Variants in OPCML observed in about 807,000 individuals in gnomAD.
The protein encoded by OPCML is opioid binding protein/cell adhesion molecule like, also known as opioid-binding protein/cell adhesion molecule.
OPCML carries 13 observed loss-of-function variants against 37.8 expected under a neutral mutation model. That is an observed-to-expected ratio of 0.34 (90% CI 0.22 to 0.55). OPCML has a LOEUF of 0.55. OPCML is among the 20% of genes least tolerant of loss of function. The pLI is 0.91. For missense variants in OPCML, 341 were observed against 435.6 expected, an observed-to-expected ratio of 0.78 and a Z score of 1.93; for synonymous variants, 176 against 168.8, an observed-to-expected ratio of 1.04 and a Z score of -0.33.
At chr11:133,057,338 G>T (rs943324379) in intron 1 of OPCML, among the ~76,000 whole-genome samples, 3 of 152,162 alleles carry the variant, frequency 2.0e-5, no homozygotes, top group Admixed American at 1.3e-4. Flanking sequence ...ATTGTCCAAG[G>T]CCAAAGGCTG....
chr11:133,197,095 C>A (rs538109193), intron 1 of OPCML, among the ~76,000 whole-genome samples: 17 of 152,302 alleles, frequency 1.1e-4, no homozygotes, highest in Non-Finnish European at 1.8e-4. Context: ...GTTTCTCCCC[C>A]AGTGGAAGAT....
intron 3 of OPCML, among the ~76,000 whole-genome samples, chr11:132,573,840 T>A (rs375656817): frequency 6.6e-6 from 1 of 152,020 alleles, no homozygotes; most frequent in Admixed American, 6.6e-5. Flanking sequence ...AGAATTTACC[T>A]GTGAAGCCAT....
chr11:133,150,346 G>A, intron 1 of OPCML, among the ~76,000 whole-genome samples: 1 of 152,174 alleles, frequency 6.6e-6, no homozygotes, highest in Non-Finnish European at 1.5e-5. Flanking sequence ...TCTTCATTTT[G>A]CAGATGAAGA....
chr11:133,293,010 C>A (rs920652334), intron 1 of OPCML, among the ~76,000 whole-genome samples: 2 of 152,170 alleles, frequency 1.3e-5, no homozygotes, highest in Admixed American at 6.5e-5. Flanking sequence ...GTTGCACTCC[C>A]ATGGCAAGGT....
At chr11:133,122,706 C>G (rs982361719) in intron 1 of OPCML, among the ~76,000 whole-genome samples, 4 of 152,126 alleles carry the variant, frequency 2.6e-5, no homozygotes, top group African/African-American at 9.7e-5. Flanking sequence ...GTTGATTTAC[C>G]TAGCTAGCCA....
intron 1 of OPCML, among the ~76,000 whole-genome samples, chr11:133,026,923 A>G (rs1223381216): frequency 1.3e-5 from 2 of 152,248 alleles, no homozygotes; most frequent in African/African-American, 4.8e-5. Context: ...GAGATACATG[A>G]CTAACCTTGA....
At chr11:133,036,581 C>A (rs1260189056) in intron 1 of OPCML, among the ~76,000 whole-genome samples, 3 of 152,204 alleles carry the variant, frequency 2.0e-5, no homozygotes, top group Non-Finnish European at 4.4e-5. Context: ...GTACTTGGCC[C>A]TGTTGTATTA....
intron 1 of OPCML, among the ~76,000 whole-genome samples, chr11:133,073,855 TA>T: frequency 6.6e-6 from 1 of 152,280 alleles, no homozygotes; most frequent in African/African-American, 2.4e-5. Flanking sequence ...CAAGACCCCT[TA>T]AAAGAAGAGC....
chr11:133,425,464 T>C (rs1011467733), intron 1 of OPCML, among the ~76,000 whole-genome samples: 11 of 152,210 alleles, frequency 7.2e-5, no homozygotes, highest in Non-Finnish European at 1.2e-4. Context: ...GTCTTCATTA[T>C]AGCATTCCAT....
At chr11:132,889,882 C>T (rs748094409) in intron 2 of OPCML, among the ~76,000 whole-genome samples, 13 of 152,172 alleles carry the variant, frequency 8.5e-5, no homozygotes, top group African/African-American at 2.7e-4. Flanking sequence ...TGCAGAAATA[C>T]GTCAAAGTTT....
rs143171410 is a variant in OPCML at position 132,902,006 on chromosome 11, G to A, written c.146+40920C>T. The stretch of plus-strand genomic sequence containing the variant: ...CGGTGTTTGCGTCATGGGGCATTAT[G>A]TAATTCCTTTTTACTCCAGCATAAG... On this transcript the variant is annotated intron_variant, in intron 2 of 7. Transcript: ENST00000524381. 1.6e-3 allele frequency among the ~76,000 whole-genome samples: 243 copies of A among 152,286 alleles called. 1 individual carries two copies. The highest frequency in any genetic ancestry group is 5.6e-3 in the African/African-American group (231 of 41,558).
In OPCML at chr11:132,918,982, T is replaced by C. The variant is rs570889798; in HGVS notation, c.146+23944A>G. Among the ~76,000 whole-genome samples, 3 of 152,268 alleles carry C rather than the reference T, an allele frequency of 2.0e-5. No homozygotes were observed. The South Asian group carries it at 6.2e-4, about 32-fold the overall frequency. ...AAGCCTAGGAGCTAACTGTGGATAA[T>C]GGTAAAACATAATAGACAGAACTAG... is the stretch of plus-strand genomic sequence containing the variant. On this transcript the variant is annotated intron_variant, in intron 2 of 7. Coordinates refer to ENST00000524381, the MANE Select transcript of OPCML (RefSeq NM_001012393.5).
intron 1 of OPCML, among the ~76,000 whole-genome samples, chr11:132,950,313 G>C (rs1301844347): frequency 6.6e-6 from 1 of 152,168 alleles, no homozygotes; most frequent in Non-Finnish European, 1.5e-5. Flanking sequence ...GAATGATGGA[G>C]AGGTGAGGGG....
chr11:132,800,122 G>T (rs898480791), intron 2 of OPCML, among the ~76,000 whole-genome samples: 1 of 152,114 alleles, frequency 6.6e-6, no homozygotes, highest in Non-Finnish European at 1.5e-5. Flanking sequence ...GTAGATATCA[G>T]AGCATAAGTT....
At chr11:132,752,416 T>C (rs1945866115) in intron 2 of OPCML, among the ~76,000 whole-genome samples, 1 of 152,150 alleles carries the variant, frequency 6.6e-6, no homozygotes, top group Non-Finnish European at 1.5e-5. Flanking sequence ...ATAATATTAA[T>C]CAAGACTCAT....
intron 1 of OPCML, among the ~76,000 whole-genome samples, chr11:133,429,815 T>C (rs1946080593): frequency 1.3e-5 from 2 of 152,138 alleles, no homozygotes; most frequent in Non-Finnish European, 2.9e-5. Context: ...CTATGACACA[T>C]CTAGCATGCT....
At chr11:132,483,369 G>C (rs1488111362) in intron 4 of OPCML, among the ~76,000 whole-genome samples, 8 of 151,962 alleles carry the variant, frequency 5.3e-5, no homozygotes. Flanking sequence ...GGGATGTGAA[G>C]GACCTCTTCA....
At chr11:133,051,553 A>G (rs993817081) in intron 1 of OPCML, among the ~76,000 whole-genome samples, 2 of 151,944 alleles carry the variant, frequency 1.3e-5, no homozygotes, top group Non-Finnish European at 2.9e-5. Context: ...GCCCTCTACC[A>G]TTCTCACTTG....
rs138076552 is a variant in OPCML at position 133,432,427 on chromosome 11, G to A, written c.61+99837C>T. Reference sequence around the variant, plus strand: ...TAATCGGATCTTACTGCAGGCTGGAGTGCAGTAGTGTGATCAAAGCTCACT... The same window carrying A: ...TAATCGGATCTTACTGCAGGCTGGAATGCAGTAGTGTGATCAAAGCTCACT... On this transcript the variant is annotated intron_variant, in intron 1 of 7. Transcript: ENST00000524381. Among the ~76,000 whole-genome samples, 194 of 152,244 alleles carry A rather than the reference G, an allele frequency of 1.3e-3. 1 individual carries two copies. Among genetic ancestry groups the A allele is most frequent in the Admixed American group, 0.011 (165 of 15,292 alleles).
Sources: gnomAD v4.1 joint callset for allele counts (sites outside exome capture counted in the v4.1 genomes callset) on GRCh38, gnomAD v4.1.1 for gene constraint, MANE v1.5 for transcripts, NCBI Gene and HGNC (gene_info 2026-07-23, HGNC 2026-07-21) for gene names.